GUCY1A2: variants seen among roughly 807,000 people sequenced by gnomAD.
GUCY1A2 encodes the protein guanylate cyclase soluble subunit alpha-2.
GUCY1A2 carries 27 observed loss-of-function variants against 63.5 expected under a neutral mutation model. That is an observed-to-expected ratio of 0.43 (90% CI 0.31 to 0.59). GUCY1A2 has a LOEUF of 0.59. Among genes scored for constraint, GUCY1A2 ranks in the 20% least tolerant of loss-of-function variants. The pLI is 0.11. For synonymous variants in GUCY1A2, 364 were observed against 343.5 expected, an observed-to-expected ratio of 1.06 and a Z score of -0.66; for missense variants, 768 against 913.3, an observed-to-expected ratio of 0.84 and a Z score of 2.05.
At chr11:106,841,679 C>T (rs1355507993) in intron 4 of GUCY1A2, among the ~76,000 whole-genome samples, 4 of 151,896 alleles carry the variant, frequency 2.6e-5, no homozygotes, top group African/African-American at 9.7e-5. Context: ...ACAACGTTCT[C>T]TTATCTAAAA....
intron 7 of GUCY1A2, among the ~76,000 whole-genome samples, chr11:106,688,434 A>C (rs985451067): frequency 6.6e-6 from 1 of 152,190 alleles, no homozygotes; most frequent in African/African-American, 2.4e-5. Context: ...GTCCAGTTTC[A>C]TGAAAGGTTC....
At chr11:106,976,097 A>G (rs1861258191) in intron 3 of GUCY1A2, among the ~76,000 whole-genome samples, 1 of 152,184 alleles carries the variant, frequency 6.6e-6, no homozygotes, top group Non-Finnish European at 1.5e-5. Flanking sequence ...AAGTGAATAA[A>G]CGAACACATT....
intron 6 of GUCY1A2, among the ~76,000 whole-genome samples, chr11:106,745,131 C>T (rs1863764853): frequency 6.6e-6 from 1 of 152,110 alleles, no homozygotes; most frequent in African/African-American, 2.4e-5. Context: ...AACGATTTGC[C>T]ATGGTTTATC....
At chr11:106,945,165 G>C (rs1430676677) in intron 3 of GUCY1A2, among the ~76,000 whole-genome samples, 6 of 144,244 alleles carry the variant, frequency 4.2e-5, no homozygotes, top group African/African-American at 1.6e-4. Flanking sequence ...AAAAAAAAAA[G>C]AGAGAGAGAG....
intron 4 of GUCY1A2, among the ~76,000 whole-genome samples, chr11:106,816,616 C>A (rs1359790787): frequency 6.7e-6 from 1 of 149,658 alleles, no homozygotes. Flanking sequence ...GAGAGGTAAT[C>A]AATGAAATTA....
At chr11:106,709,246 G>C (rs1231379182) in intron 6 of GUCY1A2, among the ~76,000 whole-genome samples, 1 of 72,614 alleles carries the variant, frequency 1.4e-5, no homozygotes, top group Non-Finnish European at 2.5e-5. Flanking sequence ...ATACTATATT[G>C]TATATAATAT....
At chr11:106,983,443 C>T (rs112460525) in intron 2 of GUCY1A2, among the ~76,000 whole-genome samples, 90 of 152,306 alleles carry the variant, frequency 5.9e-4, no homozygotes, top group South Asian at 1.0e-3. Flanking sequence ...TGTGACCCTT[C>T]GAAACAGCTG....
chr11:106,994,043 A>T (rs148801873), intron 1 of GUCY1A2, among the ~76,000 whole-genome samples: 1 of 152,274 alleles, frequency 6.6e-6, no homozygotes, highest in Admixed American at 6.5e-5. Flanking sequence ...CATTTTTTCC[A>T]GTCTTCATTT....
chr11:106,906,809 A>G (rs1008742123), intron 4 of GUCY1A2, among the ~76,000 whole-genome samples: 4 of 152,220 alleles, frequency 2.6e-5, no homozygotes, highest in East Asian at 1.9e-4. Context: ...GCTGGAAACC[A>G]GCATTCTCAG....
At chr11:107,010,606 G>A (rs1026882160) in intron 1 of GUCY1A2, among the ~76,000 whole-genome samples, 12 of 151,894 alleles carry the variant, frequency 7.9e-5, no homozygotes, top group African/African-American at 2.9e-4. Flanking sequence ...TCACAGGCTG[G>A]ATGAAAAATC....
chr11:107,012,841 TTTAA>T (rs1394770631), intron 1 of GUCY1A2, among the ~76,000 whole-genome samples: 4 of 152,226 alleles, frequency 2.6e-5, no homozygotes, highest in Non-Finnish European at 5.9e-5. Flanking sequence ...TTTAAAAAGC[TTTAA>T]TTAAACTACC....
chr11:106,704,723 A>G (rs1385417401), intron 7 of GUCY1A2, among the ~76,000 whole-genome samples: 1 of 152,158 alleles, frequency 6.6e-6, no homozygotes, highest in Non-Finnish European at 1.5e-5. Context: ...AAAAATAATT[A>G]TGCTGAGATA....
intron 5 of GUCY1A2, among the ~76,000 whole-genome samples, chr11:106,789,412 A>G (rs891224082): frequency 1.3e-5 from 2 of 152,154 alleles, no homozygotes; most frequent in African/African-American, 4.8e-5. Context: ...CAGATTTCTT[A>G]ATTTCCTCAA....
At chr11:106,988,397 A>G (rs1401489655) in intron 1 of GUCY1A2, among the ~76,000 whole-genome samples, 1 of 152,198 alleles carries the variant, frequency 6.6e-6, no homozygotes, top group Non-Finnish European at 1.5e-5. Flanking sequence ...GTCATAAAAC[A>G]TGGAACAGAA....
At chr11:106,909,493 C>T (rs1860263025) in intron 4 of GUCY1A2, among the ~76,000 whole-genome samples, 1 of 151,408 alleles carries the variant, frequency 6.6e-6, no homozygotes, top group Non-Finnish European at 1.5e-5. Flanking sequence ...CCTGGTGTTG[C>T]CCCTTTATAA....
At chr11:106,757,310 G>T (rs527908957) in intron 6 of GUCY1A2, among the ~76,000 whole-genome samples, 1 of 152,018 alleles carries the variant, frequency 6.6e-6, no homozygotes, top group African/African-American at 2.4e-5. Flanking sequence ...CCTTTAGCTC[G>T]GAGAAGTTTG....
intron 3 of GUCY1A2, among the ~76,000 whole-genome samples, chr11:106,950,651 C>T (rs1447841060): frequency 6.6e-6 from 1 of 152,154 alleles, no homozygotes; most frequent in African/African-American, 2.4e-5. Flanking sequence ...ATGACTAGCC[C>T]TGTTCAAATT....
At chr11:106,993,885 C>G (rs1346556243) in intron 1 of GUCY1A2, among the ~76,000 whole-genome samples, 3 of 152,102 alleles carry the variant, frequency 2.0e-5, no homozygotes, top group African/African-American at 7.2e-5. Flanking sequence ...TTCAAGTGAC[C>G]TACAACACTA....
rs957294317 is a variant in GUCY1A2 at position 106,898,700 on chromosome 11, G to A, written c.1206+40760C>T. Among the ~76,000 whole-genome samples the A allele has an allele frequency of 5.9e-5, 9 of 152,280 alleles. No homozygotes were observed. In the East Asian group the frequency reaches 1.7e-3, roughly 29 times the overall value. On this transcript the variant is annotated intron_variant, in intron 4 of 7. Coordinates refer to ENST00000526355, the MANE Select transcript of GUCY1A2 (RefSeq NM_000855.3). ...AATAGCTGCTATCTGGGGTTAAGGG[G>A]TAGGGAAGGAGGAATAGACAGAGCA...
Sources: gnomAD v4.1 joint callset for allele counts (sites outside exome capture counted in the v4.1 genomes callset) on GRCh38, gnomAD v4.1.1 for gene constraint, MANE v1.5 for transcripts, NCBI Gene and HGNC (gene_info 2026-07-23, HGNC 2026-07-21) for gene names.